Variants in ZNF804B observed in about 807,000 individuals in gnomAD.
The protein encoded by ZNF804B is zinc finger protein 804B.
In ZNF804B, 80 loss-of-function variants were observed where a neutral mutation model predicts 101.4. The observed-to-expected ratio is 0.79, with a 90% CI of 0.66 to 0.95. The LOEUF (loss-of-function observed/expected upper bound fraction) is 0.95, where lower values mean the gene tolerates loss of function less well. Ranked by LOEUF, ZNF804B falls within the 40% of genes least tolerant of loss-of-function variation. ZNF804B has a pLI of 0.00. For missense variants in ZNF804B, 1,673 were observed against 1,561.9 expected (o/e 1.07, Z -1.20); for synonymous variants, 622 against 558.8 (o/e 1.11, Z -1.59).
chr7:88,854,490 TC>T (rs1376559185), intron 1 of ZNF804B, among the ~76,000 whole-genome samples: 3 of 86,904 alleles, frequency 3.5e-5, no homozygotes, highest in African/African-American at 2.0e-4. Context: ...TCCTTTCCTT[TC>T]CTTTCCTTTC....
intron 1 of ZNF804B, among the ~76,000 whole-genome samples, chr7:88,860,554 A>G (rs916974829): frequency 2.6e-5 from 4 of 152,200 alleles, no homozygotes; most frequent in Admixed American, 2.0e-4. Context: ...AACTTACCCA[A>G]GGTTCATGTG....
intron 1 of ZNF804B, among the ~76,000 whole-genome samples, chr7:88,996,890 G>A (rs1436688116): frequency 6.6e-6 from 1 of 151,992 alleles, no homozygotes; most frequent in Non-Finnish European, 1.5e-5. Context: ...GGACATTTAG[G>A]TTGGAAGATG....
chr7:89,134,444 C>T (rs1384246627), intron 1 of ZNF804B, among the ~76,000 whole-genome samples: 2 of 152,024 alleles, frequency 1.3e-5, no homozygotes, highest in Non-Finnish European at 2.9e-5. Context: ...ATCTCTGCAT[C>T]CAGAAACAAT....
chr7:88,982,781 T>C (rs972008959), intron 1 of ZNF804B, among the ~76,000 whole-genome samples: 1 of 152,002 alleles, frequency 6.6e-6, no homozygotes, highest in African/African-American at 2.4e-5. Context: ...TATGACAGAA[T>C]GTATTCCCAG....
chr7:89,045,309 C>A (rs919813682), intron 1 of ZNF804B, among the ~76,000 whole-genome samples: 5 of 152,206 alleles, frequency 3.3e-5, no homozygotes, highest in African/African-American at 9.6e-5. Context: ...TCATAGAAAA[C>A]CTTTACTAGG....
intron 1 of ZNF804B, among the ~76,000 whole-genome samples, chr7:88,862,690 T>G (rs1484247124): frequency 6.6e-6 from 1 of 152,070 alleles, no homozygotes; most frequent in Non-Finnish European, 1.5e-5. Flanking sequence ...AGTCAGAAAA[T>G]GTTATTGTTG....
chr7:88,827,190 TG>T (rs1345359150), intron 1 of ZNF804B, among the ~76,000 whole-genome samples: 1 of 151,974 alleles, frequency 6.6e-6, no homozygotes. Context: ...AATATTTTAG[TG>T]TGATATTTAC....
intron 2 of ZNF804B, among the ~76,000 whole-genome samples, chr7:89,309,660 T>C (rs996541758): frequency 6.7e-6 from 1 of 148,896 alleles, no homozygotes; most frequent in Admixed American, 6.8e-5. Context: ...CTTGGGAGGC[T>C]GAGGCAGAAG....
intron 1 of ZNF804B, among the ~76,000 whole-genome samples, chr7:89,189,232 A>G (rs938872627): frequency 1.3e-5 from 2 of 152,162 alleles, no homozygotes; most frequent in Non-Finnish European, 1.5e-5. Flanking sequence ...CTTACTGAAT[A>G]CTTTAAGCCC....
At chr7:88,801,744 GAC>G (rs1790593262) in intron 1 of ZNF804B, among the ~76,000 whole-genome samples, 3 of 151,878 alleles carry the variant, frequency 2.0e-5, no homozygotes, top group South Asian at 4.1e-4. Context: ...GAAATATAAA[GAC>G]AGTTTTTATA....
chr7:88,788,367 C>G (rs1790333498), intron 1 of ZNF804B, among the ~76,000 whole-genome samples: 1 of 152,044 alleles, frequency 6.6e-6, no homozygotes, highest in African/African-American at 2.4e-5. Flanking sequence ...TTCAACACAC[C>G]AAGCTTGCTC....
In ZNF804B at chr7:88,854,541, T is replaced by TTCCTTCCCTTCCCTTC. The variant is rs1554340270; in HGVS notation, c.108+94457_108+94458insTCCTTCCCTTCCCTTC. Among the ~76,000 whole-genome samples, 106 of 88,630 alleles carry TTCCTTCCCTTCCCTTC rather than the reference T, an allele frequency of 1.2e-3. 2 individuals carry two copies. Among genetic ancestry groups the TTCCTTCCCTTCCCTTC allele is most frequent in the East Asian group, 7.9e-3 (16 of 2,024 alleles). The allele number at this position is 88,630 out of a possible 152,430, so 58.1% of individuals were successfully genotyped here. On this transcript the variant is annotated intron_variant, in intron 1 of 3. Transcript: ENST00000333190. ...CCTTTCCTTCCTTTCCTTCCTTCCT[T>TTCCTTCCCTTCCCTTC]CCTTCCTTCCTTCCTTCCTTCCTTC...
chr7:89,326,558 C>T (rs17679155), intron 2 of ZNF804B, among the ~76,000 whole-genome samples: 17,835 of 152,046 alleles, frequency 0.12, 1,358 homozygotes, highest in South Asian at 0.18. Flanking sequence ...TCTTTAAATA[C>T]ACTTCCAATT....
At chr7:89,301,501 A>T (rs1047677220) in intron 2 of ZNF804B, among the ~76,000 whole-genome samples, 5 of 151,838 alleles carry the variant, frequency 3.3e-5, no homozygotes, top group African/African-American at 1.2e-4. Context: ...ACTCAGGACT[A>T]GGTTTATCTT....
intron 1 of ZNF804B, among the ~76,000 whole-genome samples, chr7:89,040,651 T>C (rs986935983): frequency 9.8e-5 from 15 of 152,328 alleles, no homozygotes; most frequent in African/African-American, 3.6e-4. Context: ...TTTCTTTTAT[T>C]CCTATTATGG....
At chr7:89,171,285 GCTGCTTCTTCTT>G (rs1196643083) in intron 1 of ZNF804B, among the ~76,000 whole-genome samples, 676 of 64,640 alleles carry the variant, frequency 0.01, 22 homozygotes, top group African/African-American at 0.032. Context: ...TAATGCTGCT[GCTGCTTCTTCTT>G]CTTCTTCTTC....
intron 1 of ZNF804B, among the ~76,000 whole-genome samples, chr7:88,919,366 G>A (rs1792685785): frequency 6.6e-6 from 1 of 152,090 alleles, no homozygotes; most frequent in East Asian, 1.9e-4. Context: ...TGAGAAAATG[G>A]AAGTTAGGTT....
chr7:89,016,318 C>CTT (rs1788556395), intron 1 of ZNF804B, among the ~76,000 whole-genome samples: 1 of 151,968 alleles, frequency 6.6e-6, no homozygotes, highest in African/African-American at 2.4e-5. Context: ...GTTTCTTTTG[C>CTT]TGTGCAGAAG....
chr7:88,968,869 T>C (rs1053497026), intron 1 of ZNF804B, among the ~76,000 whole-genome samples: 3 of 151,634 alleles, frequency 2.0e-5, no homozygotes, highest in African/African-American at 7.2e-5. Context: ...TATTTTTGAA[T>C]ATATATAATT....
Sources: allele counts gnomAD v4.1 joint callset (sites outside exome capture counted in the v4.1 genomes callset), GRCh38; gene constraint gnomAD v4.1.1; transcripts MANE v1.5; gene names NCBI Gene and HGNC (gene_info 2026-07-23, HGNC 2026-07-21).